The following TRPM8 variants were observed in gnomAD, a reference collection of about 807,000 sequenced individuals.
The protein encoded by TRPM8 is TRPM8 cationic channel.
A neutral mutation model predicts 133.7 loss-of-function variants in TRPM8; 110 were observed. That is an observed-to-expected ratio of 0.82 (90% CI 0.70 to 0.96). TRPM8 has a LOEUF of 0.96. Ranked by LOEUF, TRPM8 falls within the 40% of genes least tolerant of loss-of-function variation. The probability of loss-of-function intolerance (pLI) is 0.00; values close to 1 mark genes in which losing one functional copy is unlikely to be tolerated. For synonymous variants in TRPM8, 535 were observed against 532.3 expected (o/e 1.01, Z -0.07); for missense variants, 1,291 against 1,379.5 (o/e 0.94, Z 1.02).
At chr2:234,010,189 T>A (rs1425143349) in intron 24 of TRPM8, among the ~76,000 whole-genome samples, 1 of 152,162 alleles carries the variant, frequency 6.6e-6, no homozygotes, top group African/African-American at 2.4e-5. Context: ...ACTTGATGAG[T>A]TTGACTCTTT....
chr2:233,946,994 C>A, intron 7 of TRPM8, 94 bp from the exon 8 acceptor site: 1 of 1,102,564 alleles, frequency 9.1e-7, no homozygotes, highest in Non-Finnish European at 1.4e-6. Flanking sequence ...ACACCCTAGG[C>A]TCACAGGGCA....
At chr2:233,947,631 GA>G in intron 8 of TRPM8, 3 of 1,285,942 alleles carry the variant, frequency 2.3e-6, no homozygotes, top group African/African-American at 1.5e-5. Context: ...TGAGATCATG[GA>G]AACTTCTTGA....
chr2:233,927,933 TC>T (rs1421375388), intron 2 of TRPM8, among the ~76,000 whole-genome samples: 2 of 57,760 alleles, frequency 3.5e-5, no homozygotes. Flanking sequence ...TTTCTCTCTC[TC>T]TCTCTCTCTC....
intron 22 of TRPM8, among the ~76,000 whole-genome samples, chr2:234,003,822 T>C (rs1246374682): frequency 1.3e-5 from 2 of 152,070 alleles, no homozygotes; most frequent in Non-Finnish European, 2.9e-5. Context: ...GTTGAGGATG[T>C]GTGGGAGGAG....
intron 22 of TRPM8, among the ~76,000 whole-genome samples, chr2:234,000,580 A>G (rs553272239): frequency 6.6e-6 from 1 of 152,344 alleles, no homozygotes; most frequent in South Asian, 2.1e-4. Context: ...TGAGATCCCT[A>G]CAACAAAAGA....
At chr2:233,968,029 A>T (rs974540644) in intron 15 of TRPM8, 1 of 152,038 alleles carries the variant, frequency 6.6e-6, no homozygotes, top group Non-Finnish European at 1.5e-5. Context: ...CTGGCCAGGG[A>T]GTTTTCTTTC....
intron 1 of TRPM8, among the ~76,000 whole-genome samples, chr2:233,921,402 T>C (rs1691403375): frequency 1.3e-5 from 2 of 152,132 alleles, no homozygotes; most frequent in African/African-American, 4.8e-5. Context: ...TGAAGTTAGT[T>C]TATGGATGCC....
chr2:233,997,707 A>G (rs1692445119), intron 22 of TRPM8, among the ~76,000 whole-genome samples: 1 of 151,986 alleles, frequency 6.6e-6, no homozygotes, highest in South Asian at 2.1e-4. Context: ...GGTCCACCAC[A>G]CACTCCACAC....
rs1691034896 is a variant in TRPM8, at chr2:233,946,008, T to C, written c.852T>C (p.Tyr284=). The change falls in exon 7 of 26, where the codon TAT becomes TAC. Residue 284 remains tyrosine (Y), a synonymous_variant. Transcript: ENST00000324695. ...AGCTCCGGAATCAGCTAGAGAAGTATATCTCTGAGCGCACTATTCAAGGTC... is the reference window on the plus strand; with the variant it reads ...AGCTCCGGAATCAGCTAGAGAAGTACATCTCTGAGCGCACTATTCAAGGTC... ...EAKLRNQLEK[Y]ISERTIQDSN... 8 of 1,614,112 alleles carry C rather than the reference T, an allele frequency of 5.0e-6. No homozygotes were observed. The highest frequency in any genetic ancestry group is 6.8e-6 in the Non-Finnish European group (8 of 1,179,966).
At chr2:234,015,510 C>T (rs1692937134) in intron 25 of TRPM8, among the ~76,000 whole-genome samples, 1 of 152,198 alleles carries the variant, frequency 6.6e-6, no homozygotes, top group Admixed American at 6.5e-5. Flanking sequence ...TGACCTCATA[C>T]ACTGACCACT....
intron 25 of TRPM8, among the ~76,000 whole-genome samples, chr2:234,016,155 A>G (rs1384001758): frequency 1.3e-5 from 2 of 152,132 alleles, no homozygotes; most frequent in African/African-American, 4.8e-5. Context: ...TAAGTAACTG[A>G]TGAATGAAAA....
intron 17 of TRPM8, among the ~76,000 whole-genome samples, chr2:233,974,657 C>A (rs1433001007): frequency 6.6e-6 from 1 of 152,172 alleles, no homozygotes; most frequent in Non-Finnish European, 1.5e-5. Flanking sequence ...GTCACACAGG[C>A]CTCCAACCCT....
At chr2:233,927,406 A>AGACCTCCCAGG (rs1691540544) in intron 2 of TRPM8, among the ~76,000 whole-genome samples, 1 of 152,210 alleles carries the variant, frequency 6.6e-6, no homozygotes, top group Non-Finnish European at 1.5e-5. Context: ...TCTACCTCCC[A>AGACCTCCCAGG]GGGCCCGGGC....
At chr2:233,931,646 T>C (rs1387873633) in intron 3 of TRPM8, among the ~76,000 whole-genome samples, 1 of 152,244 alleles carries the variant, frequency 6.6e-6, no homozygotes, top group Admixed American at 6.5e-5. Flanking sequence ...TCATGGGTTG[T>C]GGTATTCAAG....
At chr2:233,922,283 G>A (rs1425731437) in intron 1 of TRPM8, among the ~76,000 whole-genome samples, 1 of 152,084 alleles carries the variant, frequency 6.6e-6, no homozygotes, top group Non-Finnish European at 1.5e-5. Context: ...AACCTGGAAG[G>A]TCCTAAAATT....
chr2:233,991,914 A>G (rs948910253), intron 21 of TRPM8, among the ~76,000 whole-genome samples: 1 of 152,140 alleles, frequency 6.6e-6, no homozygotes, highest in Non-Finnish European at 1.5e-5. Context: ...TGTGAATATT[A>G]TTATGATGAT....
chr2:234,015,666 A>T (rs1692939930), intron 25 of TRPM8, among the ~76,000 whole-genome samples: 1 of 152,240 alleles, frequency 6.6e-6, no homozygotes, highest in Non-Finnish European at 1.5e-5. Flanking sequence ...AGCTCATATT[A>T]AAAAGCACTG....
intron 23 of TRPM8, 89 bp downstream of exon 23, chr2:234,007,041 T>G: frequency 1.1e-6 from 1 of 878,226 alleles, no homozygotes; most frequent in Non-Finnish European, 1.8e-6. Context: ...GCAAACTCAG[T>G]AAAGAGCATT....
chr2:233,961,556 G>A (rs768083965), intron 12 of TRPM8, among the ~76,000 whole-genome samples: 3 of 149,432 alleles, frequency 2.0e-5, no homozygotes, highest in African/African-American at 7.4e-5. Context: ...TGTCCACCTC[G>A]GCCTCCCAAA....
Sources: allele counts gnomAD v4.1 joint callset (sites outside exome capture counted in the v4.1 genomes callset), GRCh38; gene constraint gnomAD v4.1.1; transcripts MANE v1.5; gene names NCBI Gene and HGNC (gene_info 2026-07-23, HGNC 2026-07-21).